KCNV1: variants seen among roughly 807,000 people sequenced by gnomAD.
The protein encoded by KCNV1 is potassium voltage-gated channel modifier subfamily V member 1, also known as potassium voltage-gated channel subfamily V member 1.
Under a neutral mutation model 36.4 loss-of-function variants are expected in KCNV1, and 2 were observed. The observed-to-expected ratio is 0.05, with a 90% CI of 0.02 to 0.17. The LOEUF (loss-of-function observed/expected upper bound fraction) is 0.17. Among genes scored for constraint, KCNV1 ranks in the 10% least tolerant of loss-of-function variants. KCNV1 has a pLI of 1.00. For synonymous variants in KCNV1, 280 were observed against 261.1 expected (o/e 1.07, Z -0.70); for missense variants, 321 against 643.6 (o/e 0.50, Z 5.42).
In KCNV1 at chr8:109,967,894, A is replaced by C; in HGVS notation, c.*194T>G. On this transcript the variant is annotated 3_prime_UTR_variant, in exon 4 of 4. Coordinates refer to ENST00000524391, the MANE Select transcript of KCNV1 (RefSeq NM_014379.4). ...TGTTAATTGGCTATTTTGGACACTC[A>C]AATGTGTCAGAACACTGTGCAGTTG... is the stretch of plus-strand genomic sequence containing the variant. The C allele has an allele frequency of 1.8e-6, 1 of 548,548 alleles. No individual in the cohort carries two copies. The highest frequency in any genetic ancestry group is 3.1e-6 in the Non-Finnish European group (1 of 318,090). The allele number at this position is 548,548 out of a possible 1,614,324, so 34.0% of individuals were successfully genotyped here. A position where few individuals can be genotyped will look rare whatever the true frequency, so the allele number is the denominator to read the frequency against.
chr8:109,970,443 TAA>T (rs1343123709), intron 3 of KCNV1, among the ~76,000 whole-genome samples: 1 of 152,062 alleles, frequency 6.6e-6, no homozygotes, highest in African/African-American at 2.4e-5. Flanking sequence ...AGAAAGGATA[TAA>T]GAGGGACATG....
At chr8:109,973,408 G>T (rs72671018) in intron 2 of KCNV1, among the ~76,000 whole-genome samples, 17,053 of 152,044 alleles carry the variant, frequency 0.11, 1,946 homozygotes, top group African/African-American at 0.3. Context: ...GAACTTTTTT[G>T]TGTGTGTGTA....
intron 3 of KCNV1, among the ~76,000 whole-genome samples, chr8:109,969,885 A>T (rs1337236877): frequency 6.6e-6 from 1 of 151,900 alleles, no homozygotes; most frequent in Admixed American, 6.6e-5. Flanking sequence ...AGAAAAGCCC[A>T]TTATGGAACC....
chr8:109,970,315 T>C (rs941980034), intron 3 of KCNV1, among the ~76,000 whole-genome samples: 1 of 152,206 alleles, frequency 6.6e-6, no homozygotes, highest in Non-Finnish European at 1.5e-5. Context: ...ATGCATAGCA[T>C]TTGTCTGGGA....
chr8:109,974,540 C>G lies in KCNV1; in HGVS notation c.-152G>C, dbSNP rs948207177. 3 of 613,280 alleles carry G rather than the reference C, an allele frequency of 4.9e-6. No individual in the cohort carries two copies. Among genetic ancestry groups the G allele is most frequent in the East Asian group, 2.8e-5 (1 of 35,694 alleles). The allele number at this position is 613,280 out of a possible 1,614,324, so 38.0% of individuals were successfully genotyped here. ...ACCTCTCCTTGGCGCACCCTCTCCACCCGCTGTGCGCCTTCCTCCTCCTGC... is the reference window on the plus strand; with the variant it reads ...ACCTCTCCTTGGCGCACCCTCTCCAGCCGCTGTGCGCCTTCCTCCTCCTGC... On this transcript the variant is annotated 5_prime_UTR_variant, in exon 2 of 4. Coordinates refer to ENST00000524391, the MANE Select transcript of KCNV1 (RefSeq NM_014379.4). This position sits in a 1 kb window ranked among gnomAD's most constrained non-coding sequence, Gnocchi z 6.2.
intron 1 of KCNV1, 23 bp downstream of exon 1, chr8:109,975,596 G>C (rs1473404099): frequency 6.5e-6 from 1 of 152,958 alleles, no homozygotes; most frequent in East Asian, 1.9e-4. Context: ...GGTGGGGGTG[G>C]GAGGGAAGAG....
chr8:109,970,470 A>G (rs1057202627), intron 3 of KCNV1, among the ~76,000 whole-genome samples: 1 of 152,180 alleles, frequency 6.6e-6, no homozygotes, highest in South Asian at 2.1e-4. Flanking sequence ...TTGTTATGCC[A>G]TTATACAGAC....
At position 109,974,703 on chromosome 8, in the gene KCNV1, G is replaced by T. The variant is rs746145881; in HGVS notation, c.-315C>A. 5 of 386,140 alleles carry T rather than the reference G, an allele frequency of 1.3e-5. No homozygotes were observed. The highest frequency in any genetic ancestry group is 2.3e-5 in the Non-Finnish European group (5 of 214,654). 23.9% of individuals were successfully genotyped at this position (386,140 alleles called of 1,614,324 possible). ...ACAGTCCCTGTGCACACTGCCGGTCGCCCTGGCCCTTCCCAAACGTTGTCA... is the reference window on the plus strand; with the variant it reads ...ACAGTCCCTGTGCACACTGCCGGTCTCCCTGGCCCTTCCCAAACGTTGTCA... On this transcript the variant is annotated 5_prime_UTR_variant, in exon 2 of 4. Transcript: ENST00000524391. This position sits in a 1 kb window ranked among gnomAD's most constrained non-coding sequence, Gnocchi z 6.2.
chr8:109,973,917 C>T lies in KCNV1; in HGVS notation c.461+11G>A. 6.3e-7 allele frequency: 1 copy of T among 1,576,048 alleles called. No homozygotes were observed. Among genetic ancestry groups the T allele is most frequent in the Non-Finnish European group, 8.6e-7 (1 of 1,159,876 alleles). Reference sequence around the variant, plus strand: ...GCCTCCCCGCCCAGCCGCCGCGTGCCTCCGGGGTACCTGTCCCTGCAGCAG... The same window carrying T: ...GCCTCCCCGCCCAGCCGCCGCGTGCTTCCGGGGTACCTGTCCCTGCAGCAG... On this transcript the variant is annotated intron_variant, in intron 2 of 3. Transcript: ENST00000524391.
At position 109,974,390 on chromosome 8, in the gene KCNV1, T is replaced by G; in HGVS notation, c.-2A>C. ...CAGCGCTCTGCCGCTGGAAGGCATC[T>G]CTAACCCAGTCGCCGCGGCCTGAGG... On this transcript the variant is annotated 5_prime_UTR_variant, in exon 2 of 4. Transcript: ENST00000524391. The surrounding 1 kb of genome is among the most constrained non-coding windows in gnomAD (Gnocchi z 6.2). 1 of 1,469,752 alleles carries G rather than the reference T, an allele frequency of 6.8e-7. No homozygotes were observed. Among genetic ancestry groups the G allele is most frequent in the Non-Finnish European group, 9.0e-7 (1 of 1,116,090 alleles). The allele number at this position is 1,469,752 out of a possible 1,614,324, so 91.0% of individuals were successfully genotyped here.
chr8:109,969,507 G>A (rs556851133), intron 3 of KCNV1, among the ~76,000 whole-genome samples: 18 of 152,218 alleles, frequency 1.2e-4, no homozygotes, highest in African/African-American at 3.9e-4. Flanking sequence ...ACAGAACCAC[G>A]ATAGTCCAAT....
At position 109,968,079 on chromosome 8, in the gene KCNV1, A is replaced by C; in HGVS notation, c.*9T>G. 1 of 1,597,956 alleles carries C rather than the reference A, an allele frequency of 6.3e-7. No individual in the cohort carries two copies. Among genetic ancestry groups the C allele is most frequent in the Non-Finnish European group, 8.5e-7 (1 of 1,171,468 alleles). ...GTACATAGCTTTTGTAAATAAATTG[A>C]AAATTAATTCAAAACCAGAAATCAT... On this transcript the variant is annotated 3_prime_UTR_variant, in exon 4 of 4. Transcript: ENST00000524391. This position sits in a 1 kb window ranked among gnomAD's most constrained non-coding sequence, Gnocchi z 5.3.
rs1297699035 is a variant in KCNV1, at chr8:109,972,261, T to C, written c.988A>G (p.Thr330Ala). The change falls in exon 3 of 4, where the codon ACA becomes GCA. Residue 330 changes from threonine (T) to alanine (A), a missense_variant. Transcript: ENST00000524391. This position sits in a 1 kb window ranked among gnomAD's most constrained non-coding sequence, Gnocchi z 5.2. ...GGCATCAGTGAAATGTGAATACCTG[T>C]GGAATGTCTGCCCAGCTTTAGCATG... is the stretch of plus-strand genomic sequence containing the variant. Reference protein sequence around the residue: ...LRMLKLGRHSTGLRSLGMTIT... With the variant: ...LRMLKLGRHSAGLRSLGMTIT... 1 of 1,583,968 alleles carries C rather than the reference T, an allele frequency of 6.3e-7. No individual in the cohort carries two copies. The highest frequency in any genetic ancestry group is 1.9e-5 in the Admixed American group (1 of 53,996).
In KCNV1 at chr8:109,974,149, G is replaced by C; in HGVS notation, c.240C>G (p.Ala80=). The change falls in exon 2 of 4, where the codon GCC becomes GCG. Residue 80 remains alanine, a synonymous_variant. Coordinates refer to ENST00000524391, the MANE Select transcript of KCNV1 (RefSeq NM_014379.4). The surrounding 1 kb of genome is among the most constrained non-coding windows in gnomAD (Gnocchi z 6.2). ...VVVASYRRPG[A]LAAVPSPLEL... ...CCAGAGGGCTGGGCACGGCGGCCAG[G>C]GCCCCGGGGCGGCGGTAGGAAGCCA... The C allele has an allele frequency of 1.2e-6, 2 of 1,606,970 alleles. No homozygotes were observed. The highest frequency in any genetic ancestry group is 1.7e-6 in the Non-Finnish European group (2 of 1,177,236).
Position 109,974,233 on chromosome 8 carries a change from G to C in KCNV1, c.156C>G (p.Leu52=), listed in dbSNP as rs749513053. The stretch of plus-strand genomic sequence containing the variant: ...GGAAGCAGGACAGCGCCTGCTGCGA[G>C]AGCACGAAGCGGCTGCCGCCCACGT... The part of the protein sequence containing the change: ...TVNVGGSRFV[L]SQQALSCFPH... Residue 52 remains leucine (L), a synonymous_variant, in exon 2 of 4, where the codon CTC becomes CTG. Transcript: ENST00000524391. This position sits in a 1 kb window ranked among gnomAD's most constrained non-coding sequence, Gnocchi z 6.2. 1.3e-6 allele frequency: 2 copies of C among 1,569,908 alleles called. No individual in the cohort carries two copies. Among genetic ancestry groups the C allele is most frequent in the Non-Finnish European group, 1.7e-6 (2 of 1,158,622 alleles).
At position 109,963,909 on chromosome 8, in the gene KCNV1, T is replaced by C. The variant is rs1029375553; in HGVS notation, c.*4179A>G. On this transcript the variant is annotated 3_prime_UTR_variant, in exon 4 of 4. Coordinates refer to ENST00000524391, the MANE Select transcript of KCNV1 (RefSeq NM_014379.4). ...GTACTTAAGCATTGCCTATATGCAT[T>C]TAAATGTCTGAAAGTAGTGTTTTCT... is the stretch of plus-strand genomic sequence containing the variant. The C allele has an allele frequency of 2.0e-5, 3 of 152,132 alleles. No homozygotes were observed. Among genetic ancestry groups the C allele is most frequent in the Non-Finnish European group, 4.4e-5 (3 of 68,002 alleles). The allele number at this position is 152,132 out of a possible 1,614,324, so 9.4% of individuals were successfully genotyped here. A position where few individuals can be genotyped will look rare whatever the true frequency, so the allele number is the denominator to read the frequency against.
rs1820063331 is a variant in KCNV1 at position 109,974,995 on chromosome 8, T to C, written c.-607A>G. 6.5e-6 allele frequency: 1 copy of C among 152,834 alleles called. No homozygotes were observed. The highest frequency in any genetic ancestry group is 1.5e-5 in the Non-Finnish European group (1 of 68,680). The allele number at this position is 152,834 out of a possible 1,614,324, so 9.5% of individuals were successfully genotyped here. On this transcript the variant is annotated 5_prime_UTR_variant, in exon 2 of 4. Coordinates refer to ENST00000524391, the MANE Select transcript of KCNV1 (RefSeq NM_014379.4). This position sits in a 1 kb window ranked among gnomAD's most constrained non-coding sequence, Gnocchi z 6.2. ...AGTGGTAACCGGGTCCCTTCCAACT[T>C]GAGAATTTATATTCCTCCCTTTTCT...
intron 3 of KCNV1, among the ~76,000 whole-genome samples, chr8:109,969,355 C>T (rs1819982299): frequency 6.6e-6 from 1 of 152,114 alleles, no homozygotes; most frequent in Non-Finnish European, 1.5e-5. Context: ...TTCTGCTTTC[C>T]TATAATAACA....
rs1465702524 is a variant in KCNV1 at position 109,972,237 on chromosome 8, G to T, written c.991+21C>A. 7.8e-6 allele frequency: 12 copies of T among 1,547,384 alleles called. No individual in the cohort carries two copies. The highest frequency in any genetic ancestry group is 1.0e-5 in the Non-Finnish European group (12 of 1,149,266). On this transcript the variant is annotated intron_variant, in intron 3 of 3. Coordinates refer to ENST00000524391, the MANE Select transcript of KCNV1 (RefSeq NM_014379.4). The surrounding 1 kb of genome is among the most constrained non-coding windows in gnomAD (Gnocchi z 5.2). ...CTTACATGCAATGGCAAATTAAAAG[G>T]CATCAGTGAAATGTGAATACCTGTG...
Sources: allele counts gnomAD v4.1 joint callset (sites outside exome capture counted in the v4.1 genomes callset), GRCh38; gene constraint gnomAD v4.1.1; non-coding constraint Gnocchi (gnomAD v3.1); transcripts MANE v1.5; gene names NCBI Gene and HGNC (gene_info 2026-07-23, HGNC 2026-07-21).